DLGAP4: variants seen among roughly 807,000 people sequenced by gnomAD.
DLGAP4 encodes the protein disks large-associated protein 4.
In DLGAP4, 18 loss-of-function variants were observed where a neutral mutation model predicts 86.9. That is an observed-to-expected ratio of 0.21 (90% CI 0.14 to 0.31). The LOEUF (loss-of-function observed/expected upper bound fraction) is 0.31, where lower values mean the gene tolerates loss of function less well. Among genes scored for constraint, DLGAP4 ranks in the 10% least tolerant of loss-of-function variants. The pLI, the probability that DLGAP4 is intolerant of heterozygous loss-of-function variation, is 1.00. For synonymous variants in DLGAP4, 548 were observed against 574.3 expected (o/e 0.95, Z 0.65); for missense variants, 1,085 against 1,362.6 (o/e 0.80, Z 3.21).
intron 10 of DLGAP4, among the ~76,000 whole-genome samples, chr20:36,513,900 A>G (rs2036880177): frequency 6.6e-6 from 1 of 152,200 alleles, no homozygotes; most frequent in Admixed American, 6.6e-5. Context: ...TAAATTTGAT[A>G]TGCTTTGTTA....
chr20:36,436,910 C>T (rs6090809), intron 4 of DLGAP4, among the ~76,000 whole-genome samples: 2 of 152,302 alleles, frequency 1.3e-5, no homozygotes, highest in East Asian at 3.9e-4. Context: ...GAGTCCCGCC[C>T]ACTTGTGAGC....
At chr20:36,483,735 G>A (rs2035291057) in intron 7 of DLGAP4, among the ~76,000 whole-genome samples, 1 of 152,200 alleles carries the variant, frequency 6.6e-6, no homozygotes, top group African/African-American at 2.4e-5. Flanking sequence ...AGCATGTGGG[G>A]CCATGTGTCT....
In DLGAP4 at chr20:36,350,910, G is replaced by A. The variant is rs2030128296; in HGVS notation, c.-303-16135G>A. Reference sequence around the variant, plus strand: ...GCCAGCACCACAAGCCCCTCACTCTGGAATCCCAAAGGCCTAGGGAGTCAG... The same window carrying A: ...GCCAGCACCACAAGCCCCTCACTCTAGAATCCCAAAGGCCTAGGGAGTCAG... On this transcript the variant is annotated intron_variant, in intron 1 of 12. Coordinates refer to ENST00000339266, the MANE Select transcript of DLGAP4 (RefSeq NM_001365621.2). This position sits in a 1 kb window ranked among gnomAD's most constrained non-coding sequence, Gnocchi z 4.4. Among the ~76,000 whole-genome samples the A allele has an allele frequency of 6.6e-6, 1 of 152,238 alleles. No homozygotes were observed. The highest frequency in any genetic ancestry group is 2.4e-5 in the African/African-American group (1 of 41,462).
chr20:36,307,142 T>A (rs1555889562), intron 1 of DLGAP4, among the ~76,000 whole-genome samples: 2 of 151,920 alleles, frequency 1.3e-5, no homozygotes, highest in Non-Finnish European at 2.9e-5. Context: ...TAGCGCCCCC[T>A]CCCTGTTTGC....
intron 1 of DLGAP4, among the ~76,000 whole-genome samples, chr20:36,332,223 A>G (rs1160357011): frequency 2.0e-5 from 3 of 152,060 alleles, no homozygotes; most frequent in Admixed American, 2.0e-4. Flanking sequence ...TGGGCTGGGC[A>G]AGGGATTCAG....
rs1377551155 is a variant in DLGAP4 at position 36,501,372 on chromosome 20, T to C, written c.2512+761T>C. On this transcript the variant is annotated intron_variant, in intron 10 of 12. Transcript: ENST00000339266. ...TGAGCCACCACACTCAGCCAACAGC[T>C]TCTTACTGAGTGCTTCCTGTGTGCC... Among the ~76,000 whole-genome samples the C allele has an allele frequency of 4.6e-5, 7 of 152,230 alleles. No homozygotes were observed. In the East Asian group the frequency reaches 1.3e-3, roughly 29 times the overall value.
At chr20:36,477,250 C>T (rs1182872998) in intron 7 of DLGAP4, among the ~76,000 whole-genome samples, 1 of 151,944 alleles carries the variant, frequency 6.6e-6, no homozygotes, top group Admixed American at 6.6e-5. Flanking sequence ...CACCCGCCAC[C>T]ACGCCCGGCT....
intron 1 of DLGAP4, among the ~76,000 whole-genome samples, chr20:36,347,244 GA>G (rs1302453157): frequency 2.7e-4 from 41 of 152,274 alleles, no homozygotes; most frequent in African/African-American, 9.4e-4. Flanking sequence ...GAAGAGTGCT[GA>G]CCCCCTATGT....
At chr20:36,333,927 G>A (rs11696733) in intron 1 of DLGAP4, among the ~76,000 whole-genome samples, 3 of 152,256 alleles carry the variant, frequency 2.0e-5, no homozygotes, top group Non-Finnish European at 4.4e-5. Flanking sequence ...GGCACTAGGA[G>A]CAAGAAACCC....
intron 7 of DLGAP4, among the ~76,000 whole-genome samples, chr20:36,496,393 G>C (rs1025260780): frequency 6.6e-6 from 1 of 152,152 alleles, no homozygotes; most frequent in African/African-American, 2.4e-5. Context: ...GTGGCCCCAC[G>C]CACTTCACCT....
chr20:36,372,978 T>A (rs1447934995), intron 2 of DLGAP4, among the ~76,000 whole-genome samples: 1 of 152,196 alleles, frequency 6.6e-6, no homozygotes, highest in East Asian at 1.9e-4. Context: ...GGATATCTAC[T>A]TAGGTATCTA....
In DLGAP4 at chr20:36,499,165, TG is replaced by T. The variant is rs2036012329; in HGVS notation, c.2011-422del. On this transcript the variant is annotated intron_variant, in intron 8 of 12. Transcript: ENST00000339266. ...AGCTTCAACTACACCAGATAACGGCTGTGGCTTTGTGTGTGTGTGTGTGTTT... is the reference window on the plus strand; with the variant it reads ...AGCTTCAACTACACCAGATAACGGCTTGGCTTTGTGTGTGTGTGTGTGTTT... The T allele has an allele frequency of 3.7e-5, 52 of 1,391,410 alleles. No homozygotes were observed. In the South Asian group the frequency reaches 6.2e-4, roughly 17 times the overall value. The allele number at this position is 1,391,410 out of a possible 1,614,324, so 86.2% of individuals were successfully genotyped here.
chr20:36,405,776 C>A (rs2032300101), intron 2 of DLGAP4, among the ~76,000 whole-genome samples: 1 of 151,966 alleles, frequency 6.6e-6, no homozygotes, highest in African/African-American at 2.4e-5. Context: ...AGTGAGGGCA[C>A]CCCAATGGTG....
At chr20:36,331,541 A>T (rs1373050398) in intron 1 of DLGAP4, among the ~76,000 whole-genome samples, 3 of 152,160 alleles carry the variant, frequency 2.0e-5, no homozygotes, top group African/African-American at 7.2e-5. Context: ...GCCTGGACTC[A>T]CTCTGTCTCT....
chr20:36,442,617 G>A (rs1176620494), intron 5 of DLGAP4, 110 bp from the exon 6 acceptor site: 4 of 1,207,274 alleles, frequency 3.3e-6, no homozygotes, highest in Non-Finnish European at 4.9e-6. Flanking sequence ...AGCCAGTCTG[G>A]GGAGGAGGTT....
At chr20:36,333,738 G>A (rs999589454) in intron 1 of DLGAP4, among the ~76,000 whole-genome samples, 2 of 152,214 alleles carry the variant, frequency 1.3e-5, no homozygotes, top group African/African-American at 4.8e-5. Flanking sequence ...TGCTGGCCTC[G>A]AAGCCCTTCA....
chr20:36,333,091 G>A (rs943132114), intron 1 of DLGAP4, among the ~76,000 whole-genome samples: 2 of 151,824 alleles, frequency 1.3e-5, no homozygotes, highest in Non-Finnish European at 2.9e-5. Context: ...GGCTCTTAAC[G>A]ACTGAACATT....
chr20:36,427,793 A>G (rs969573171), intron 2 of DLGAP4, among the ~76,000 whole-genome samples: 25 of 151,948 alleles, frequency 1.6e-4, no homozygotes, highest in Admixed American at 9.8e-4. Flanking sequence ...AAATACAAAA[A>G]TTAGCTGGGC....
At chr20:36,499,045 G>A (rs759057719) in intron 8 of DLGAP4, 16 of 574,356 alleles carry the variant, frequency 2.8e-5, no homozygotes, top group Admixed American at 9.7e-5. Flanking sequence ...TAGAACTGCC[G>A]TCCAGGGTTT....
Sources: allele counts gnomAD v4.1 joint callset (sites outside exome capture counted in the v4.1 genomes callset), GRCh38; gene constraint gnomAD v4.1.1; non-coding constraint Gnocchi (gnomAD v3.1); transcripts MANE v1.5; gene names NCBI Gene and HGNC (gene_info 2026-07-23, HGNC 2026-07-21).